The following TRPM6 variants were observed in gnomAD, a reference collection of about 807,000 sequenced individuals.
TRPM6 encodes channel kinase 2.
In TRPM6, 111 loss-of-function variants were observed where a neutral mutation model predicts 247.6. That is an observed-to-expected ratio of 0.45 (90% CI 0.38 to 0.52). The LOEUF (loss-of-function observed/expected upper bound fraction) is 0.52, where lower values mean the gene tolerates loss of function less well. TRPM6 is among the 20% of genes least tolerant of loss of function. The probability of loss-of-function intolerance (pLI) is 0.00; values close to 1 mark genes in which losing one functional copy is unlikely to be tolerated. For synonymous variants in TRPM6, 892 were observed against 853.8 expected (o/e 1.04, Z -0.78); for missense variants, 2,126 against 2,421.5 (o/e 0.88, Z 2.56).
intron 18 of TRPM6, among the ~76,000 whole-genome samples, chr9:74,795,754 G>A (rs933315583): frequency 6.6e-6 from 1 of 152,170 alleles, no homozygotes; most frequent in African/African-American, 2.4e-5. Context: ...ATGTTTTCAA[G>A]AGGTTATCAG....
chr9:74,776,232 A>G, intron 23 of TRPM6, 156 bp from the exon 24 acceptor site: 1 of 693,962 alleles, frequency 1.4e-6, no homozygotes, highest in Non-Finnish European at 2.6e-6. Context: ...TTCTTCCACC[A>G]AACAAAATAT....
chr9:74,807,556 T>C (rs771952660), intron 14 of TRPM6, among the ~76,000 whole-genome samples: 8 of 152,364 alleles, frequency 5.3e-5, no homozygotes, highest in East Asian at 1.9e-4. Context: ...GTATCACTTA[T>C]GTTTTTAAGG....
intron 14 of TRPM6, among the ~76,000 whole-genome samples, chr9:74,805,543 G>A (rs149265920): frequency 1.1e-3 from 165 of 152,330 alleles, no homozygotes; most frequent in Middle Eastern, 3.4e-3. Flanking sequence ...TGTTGCTTAA[G>A]TAACATGTCT....
intron 1 of TRPM6, chr9:74,887,130 A>C: frequency 5.9e-6 from 4 of 681,614 alleles, no homozygotes; most frequent in Non-Finnish European, 8.4e-6. Flanking sequence ...GTTGCGCCAT[A>C]TGCCAGCGGT....
At chr9:74,873,197 T>C (rs1246909783) in intron 1 of TRPM6, among the ~76,000 whole-genome samples, 1 of 152,244 alleles carries the variant, frequency 6.6e-6, no homozygotes, top group East Asian at 1.9e-4. Flanking sequence ...TACTCTCCAC[T>C]CCCTTCCTTT....
intron 23 of TRPM6, among the ~76,000 whole-genome samples, chr9:74,778,642 C>T (rs1479739722): frequency 6.6e-6 from 1 of 152,200 alleles, no homozygotes; most frequent in South Asian, 2.1e-4. Flanking sequence ...GGAGCCCATA[C>T]TTATCACTTC....
intron 1 of TRPM6, among the ~76,000 whole-genome samples, chr9:74,880,124 G>A: frequency 6.6e-6 from 1 of 152,008 alleles, no homozygotes; most frequent in East Asian, 1.9e-4. Flanking sequence ...AAGTAGAGGA[G>A]AAATGAGGAT....
rs1825762753 is a variant in TRPM6, at chr9:74,738,507, A to G, written c.5676T>C (p.Asp1892=). 6.2e-7 allele frequency: 1 copy of G among 1,614,022 alleles called. No homozygotes were observed. The highest frequency in any genetic ancestry group is 8.5e-7 in the Non-Finnish European group (1 of 1,179,992). The change falls in exon 36 of 39, where the codon GAT becomes GAC. Residue 1892 remains aspartate (D), a synonymous_variant. Coordinates refer to ENST00000360774, the MANE Select transcript of TRPM6 (RefSeq NM_017662.5). ...CCAGGGTGTTGGTGGGGGTGATTTC[A>G]TCACCATTGTTGTTGTTATACTTCC... ...EFRKYNNNNG[D]EITPTNTLEE... is the part of the protein sequence containing the mutation.
intron 1 of TRPM6, among the ~76,000 whole-genome samples, chr9:74,874,957 G>C (rs940407072): frequency 6.6e-6 from 1 of 150,594 alleles, no homozygotes; most frequent in Admixed American, 6.6e-5. Flanking sequence ...GTAGAGACAA[G>C]TTTCGCCATA....
chr9:74,853,702 C>T (rs1324264255), intron 3 of TRPM6, among the ~76,000 whole-genome samples: 3 of 151,700 alleles, frequency 2.0e-5, no homozygotes, highest in Non-Finnish European at 4.4e-5. Flanking sequence ...TCTCAAGTAC[C>T]CAGGGACACA....
chr9:74,824,932 G>C (rs1829276384), intron 7 of TRPM6, among the ~76,000 whole-genome samples: 1 of 151,868 alleles, frequency 6.6e-6, no homozygotes, highest in African/African-American at 2.4e-5. Context: ...GTTTGCCAGA[G>C]TCACCAAGAA....
intron 6 of TRPM6, among the ~76,000 whole-genome samples, chr9:74,832,436 A>G (rs1161229125): frequency 6.6e-6 from 1 of 152,236 alleles, no homozygotes; most frequent in Non-Finnish European, 1.5e-5. Context: ...TTATGAGGCA[A>G]TGAAAAACTT....
chr9:74,727,343 C>G (rs1825364996), intron 38 of TRPM6, among the ~76,000 whole-genome samples: 1 of 142,792 alleles, frequency 7.0e-6, no homozygotes, highest in Non-Finnish European at 1.5e-5. Context: ...AATTGCGCCA[C>G]TGTGCTCCAG....
At chr9:74,830,390 T>C (rs1433533091) in intron 6 of TRPM6, among the ~76,000 whole-genome samples, 2 of 151,988 alleles carry the variant, frequency 1.3e-5, no homozygotes, top group African/African-American at 2.4e-5. Flanking sequence ...TTTTGTTTGT[T>C]TGTTTGTTTT....
rs1480973290 is a variant in TRPM6, at chr9:74,887,878, C to T, written c.-22G>A. ...TCATCTTTGATTTGCAGGCCCTGCT[C>T]CCAAAGCCCTGTCTGAGCTTTTAAC... is the stretch of plus-strand genomic sequence containing the variant. On this transcript the variant is annotated 5_prime_UTR_variant, in exon 1 of 39. Transcript: ENST00000360774. The T allele has an allele frequency of 3.1e-6, 5 of 1,613,928 alleles. No individual in the cohort carries two copies. Among genetic ancestry groups the T allele is most frequent in the Non-Finnish European group, 4.2e-6 (5 of 1,180,050 alleles).
chr9:74,859,628 G>T (rs1830635956), intron 1 of TRPM6, among the ~76,000 whole-genome samples: 1 of 152,050 alleles, frequency 6.6e-6, no homozygotes, highest in Non-Finnish European at 1.5e-5. Flanking sequence ...CAAAAAATTA[G>T]CTGGGCATGG....
chr9:74,852,221 T>A (rs1320789002), intron 3 of TRPM6, among the ~76,000 whole-genome samples: 1 of 152,060 alleles, frequency 6.6e-6, no homozygotes, highest in Non-Finnish European at 1.5e-5. Flanking sequence ...AGAAAATGTT[T>A]ACTTTTTCTT....
rs1372753003 is a variant in TRPM6 at position 74,882,388 on chromosome 9, A to G, written c.33+5436T>C. Among the ~76,000 whole-genome samples, 6 of 152,306 alleles carry G rather than the reference A, an allele frequency of 3.9e-5. No homozygotes were observed. The South Asian group carries it at 1.0e-3, about 26-fold the overall frequency. On this transcript the variant is annotated intron_variant, in intron 1 of 38. Coordinates refer to ENST00000360774, the MANE Select transcript of TRPM6 (RefSeq NM_017662.5). ...AGGGGACTAATATCCAGAATATTAA[A>G]AGAACTCAAACAACTCAACAGTAAA...
At chr9:74,752,394 G>C in intron 28 of TRPM6, 26 bp from the exon 29 acceptor site, 1 of 1,204,202 alleles carries the variant, frequency 8.3e-7, no homozygotes, top group Non-Finnish European at 1.2e-6. Context: ...AGAAAGATTA[G>C]AAAATACATG....
Sources: allele counts gnomAD v4.1 joint callset (sites outside exome capture counted in the v4.1 genomes callset), GRCh38; gene constraint gnomAD v4.1.1; transcripts MANE v1.5; gene names NCBI Gene and HGNC (gene_info 2026-07-23, HGNC 2026-07-21).